IL1RL2: variants seen among roughly 807,000 people sequenced by gnomAD.
IL1RL2 encodes interleukin 1 receptor like 2, also known as interleukin-1 receptor-like 2.
IL1RL2 carries 68 observed loss-of-function variants against 66.8 expected under a neutral mutation model. The observed-to-expected ratio is 1.02, with a 90% CI of 0.84 to 1.25. The LOEUF (loss-of-function observed/expected upper bound fraction) is 1.25, where lower values mean the gene tolerates loss of function less well. Ranked by LOEUF, IL1RL2 falls within the 50% of genes most tolerant of loss-of-function variation. The probability of loss-of-function intolerance (pLI) is 0.00; values close to 1 mark genes in which losing one functional copy is unlikely to be tolerated. For missense variants in IL1RL2, 729 were observed against 709.3 expected (o/e 1.03, Z -0.32); for synonymous variants, 305 against 264.6 (o/e 1.15, Z -1.48).
In IL1RL2 at chr2:102,235,012, G is replaced by A. The variant is rs551755412; in HGVS notation, c.1413G>A (p.Ala471=). The A allele has an allele frequency of 8.7e-6, 14 of 1,614,130 alleles. No homozygotes were observed. The highest frequency in any genetic ancestry group is 1.3e-5 in the African/African-American group (1 of 75,032). The change falls in exon 11 of 12, where the codon GCG becomes GCA. Residue 471 remains alanine, a synonymous_variant. Coordinates refer to ENST00000264257, the MANE Select transcript of IL1RL2 (RefSeq NM_003854.4). ...LLKNLSEEQI[A]VYSALIQDGM... ...AGAACCTGTCAGAAGAACAAATCGC[G>A]GTCTACAGTGCCCTGATCCAGGACG... is the stretch of plus-strand genomic sequence containing the variant.
At chr2:102,218,900 T>TGCA in intron 6 of IL1RL2, 53 bp from the exon 7 acceptor site, 1 of 1,528,714 alleles carries the variant, frequency 6.5e-7, no homozygotes, top group Non-Finnish European at 9.0e-7. Flanking sequence ...TGTTAACAAA[T>TGCA]TTGAAAGTTT....
At chr2:102,215,816 A>C (rs1689564793) in intron 6 of IL1RL2, among the ~76,000 whole-genome samples, 1 of 152,164 alleles carries the variant, frequency 6.6e-6, no homozygotes, top group Non-Finnish European at 1.5e-5. Context: ...TCTGTCTAGA[A>C]CCAAAGCCAA....
intron 8 of IL1RL2, among the ~76,000 whole-genome samples, chr2:102,222,607 A>G (rs1486565472): frequency 2.6e-5 from 4 of 152,174 alleles, no homozygotes; most frequent in African/African-American, 9.7e-5. Flanking sequence ...TCAGAGACAA[A>G]GGTGGGTCTT....
At chr2:102,208,923 T>C (rs1011592549) in intron 5 of IL1RL2, among the ~76,000 whole-genome samples, 10 of 152,240 alleles carry the variant, frequency 6.6e-5, no homozygotes, top group Admixed American at 2.0e-4. Context: ...CCATTATCTC[T>C]CTGAAAGAAA....
At chr2:102,211,930 T>C (rs1332201458) in intron 5 of IL1RL2, among the ~76,000 whole-genome samples, 170 bp from the exon 6 acceptor site, 5 of 152,128 alleles carry the variant, frequency 3.3e-5, no homozygotes, top group Non-Finnish European at 7.3e-5. Context: ...TTTTTTTTTC[T>C]TTTTTGGCAA....
intron 5 of IL1RL2, among the ~76,000 whole-genome samples, chr2:102,207,967 T>G (rs904923460): frequency 1.3e-5 from 2 of 152,220 alleles, no homozygotes; most frequent in Non-Finnish European, 2.9e-5. Flanking sequence ...GTTCCCTCCA[T>G]GAGCCCGTGG....
At chr2:102,195,581 CTTTCTT>C (rs1687620153) in intron 4 of IL1RL2, among the ~76,000 whole-genome samples, 1 of 14,758 alleles carries the variant, frequency 6.8e-5, no homozygotes, top group Non-Finnish European at 1.5e-4. Context: ...TTCTTTCTTT[CTTTCTT>C]TCTTTCTTTC....
intron 11 of IL1RL2, among the ~76,000 whole-genome samples, chr2:102,238,252 G>T (rs949526031): frequency 3.1e-4 from 47 of 152,030 alleles, no homozygotes; most frequent in Non-Finnish European, 5.4e-4. Context: ...GACTGAGTCA[G>T]CCACAAAACC....
chr2:102,201,462 T>C (rs1404317805), intron 4 of IL1RL2, 94 bp from the exon 5 acceptor site: 4 of 1,120,726 alleles, frequency 3.6e-6, no homozygotes, highest in Non-Finnish European at 4.0e-6. Context: ...AGCTATCTGT[T>C]GTCTTCCAGT....
intron 8 of IL1RL2, among the ~76,000 whole-genome samples, chr2:102,224,416 A>G (rs1322245986): frequency 6.6e-6 from 1 of 152,232 alleles, no homozygotes; most frequent in East Asian, 1.9e-4. Flanking sequence ...TGTCATTTGC[A>G]GCAAAGTGGA....
At chr2:102,240,310 T>C (rs986061223), downstream of IL1RL2, among the ~76,000 whole-genome samples, 6 of 150,136 alleles carry the variant, frequency 4.0e-5, no homozygotes, top group Non-Finnish European at 8.9e-5. Flanking sequence ...AATATTTTCG[T>C]CCTCTCATCC....
intron 4 of IL1RL2, among the ~76,000 whole-genome samples, chr2:102,192,668 C>A (rs1483778332): frequency 1.3e-5 from 2 of 152,174 alleles, no homozygotes; most frequent in Non-Finnish European, 2.9e-5. Flanking sequence ...TTCAAAAGTT[C>A]TCTTTTCTTG....
chr2:102,231,105 C>T (rs1691086131), intron 9 of IL1RL2, among the ~76,000 whole-genome samples: 1 of 152,194 alleles, frequency 6.6e-6, no homozygotes, highest in African/African-American at 2.4e-5. Flanking sequence ...AATGAGACGC[C>T]CACACTTACC....
chr2:102,195,585 CTTTCTTTCTTTCTTTCTT>C (rs1687624618), intron 4 of IL1RL2, among the ~76,000 whole-genome samples: 2 of 58,858 alleles, frequency 3.4e-5, no homozygotes, highest in African/African-American at 2.1e-4. Flanking sequence ...TTCTTTCTTT[CTTTCTTTCTTTCTTTCTT>C]TCTTTCTTTC....
chr2:102,224,658 G>A (rs1473464346), intron 8 of IL1RL2, among the ~76,000 whole-genome samples: 4 of 152,080 alleles, frequency 2.6e-5, no homozygotes, highest in Non-Finnish European at 5.9e-5. Flanking sequence ...CTAGTGTTTG[G>A]TAGCACAACA....
intron 5 of IL1RL2, among the ~76,000 whole-genome samples, chr2:102,202,562 T>C (rs1578121040): frequency 6.6e-6 from 1 of 152,168 alleles, no homozygotes; most frequent in East Asian, 1.9e-4. Context: ...TTCACTTCTT[T>C]GGTTAATTCC....
intron 9 of IL1RL2, among the ~76,000 whole-genome samples, chr2:102,227,486 T>C (rs558681628): frequency 1.1e-4 from 16 of 152,184 alleles, no homozygotes; most frequent in Non-Finnish European, 2.4e-4. Context: ...AACTCCTTTT[T>C]AATGACAAAA....
intron 5 of IL1RL2, among the ~76,000 whole-genome samples, chr2:102,202,385 T>C (rs1688338071): frequency 6.6e-6 from 1 of 151,276 alleles, no homozygotes; most frequent in South Asian, 2.1e-4. Context: ...ATAATAGGTG[T>C]ATTATATATA....
chr2:102,188,311 G>T (rs1198029445), intron 2 of IL1RL2, among the ~76,000 whole-genome samples: 2 of 152,162 alleles, frequency 1.3e-5, no homozygotes, highest in African/African-American at 2.4e-5. Flanking sequence ...ATGGCCGGGC[G>T]CAGTGGCTCA....
Sources: allele counts gnomAD v4.1 joint callset (sites outside exome capture counted in the v4.1 genomes callset), GRCh38; gene constraint gnomAD v4.1.1; transcripts MANE v1.5; gene names NCBI Gene and HGNC (gene_info 2026-07-23, HGNC 2026-07-21).